The following TRABD2B variants were observed in gnomAD, a reference collection of about 807,000 sequenced individuals.
TRABD2B encodes TraB domain containing 2B.
A neutral mutation model predicts 40.1 loss-of-function variants in TRABD2B; 14 were observed. The ratio of observed to expected loss-of-function variants is 0.35; its 90% CI spans 0.23 to 0.55. The LOEUF (loss-of-function observed/expected upper bound fraction) is 0.55, where lower values mean the gene tolerates loss of function less well. Among genes scored for constraint, TRABD2B ranks in the 20% least tolerant of loss-of-function variants. The pLI is 0.90. For missense variants in TRABD2B, 541 were observed against 648.6 expected, an observed-to-expected ratio of 0.83 and a Z score of 1.80; for synonymous variants, 263 against 277.0, an observed-to-expected ratio of 0.95 and a Z score of 0.50.
At chr1:47,879,630 G>A (rs1644274239) in intron 2 of TRABD2B, among the ~76,000 whole-genome samples, 1 of 152,182 alleles carries the variant, frequency 6.6e-6, no homozygotes, top group South Asian at 2.1e-4. Flanking sequence ...ACATTGACAT[G>A]GTAACAATTA....
At chr1:47,955,203 C>T (rs537227875) in intron 2 of TRABD2B, among the ~76,000 whole-genome samples, 26 of 152,306 alleles carry the variant, frequency 1.7e-4, no homozygotes, top group African/African-American at 6.0e-4. Flanking sequence ...TCCTCAGTTT[C>T]TACTGCCTCC....
At chr1:47,981,898 C>T (rs886598734) in intron 2 of TRABD2B, among the ~76,000 whole-genome samples, 3 of 152,158 alleles carry the variant, frequency 2.0e-5, no homozygotes, top group Admixed American at 6.5e-5. Context: ...TCCAACCTGT[C>T]TGAGCAGTAG....
At chr1:47,778,357 G>A (rs1203566884) in intron 5 of TRABD2B, 97 bp downstream of exon 5, 7 of 870,818 alleles carry the variant, frequency 8.0e-6, no homozygotes, top group South Asian at 3.0e-5. Flanking sequence ...GTAGAGACCT[G>A]CCTCTGCCTC....
intron 5 of TRABD2B, among the ~76,000 whole-genome samples, chr1:47,777,021 G>A (rs959283438): frequency 6.6e-6 from 1 of 152,008 alleles, no homozygotes; most frequent in Non-Finnish European, 1.5e-5. Flanking sequence ...TTGCTCCCCC[G>A]TGCAGGAGGC....
chr1:47,837,891 T>C (rs975675282), intron 2 of TRABD2B, among the ~76,000 whole-genome samples: 2 of 152,262 alleles, frequency 1.3e-5, no homozygotes, highest in South Asian at 2.1e-4. Flanking sequence ...GTTCATCTCA[T>C]GAGGAAACCG....
intron 2 of TRABD2B, among the ~76,000 whole-genome samples, chr1:47,918,933 G>T (rs1557657102): frequency 6.6e-6 from 1 of 152,246 alleles, no homozygotes; most frequent in Non-Finnish European, 1.5e-5. Flanking sequence ...GGAGCTAACA[G>T]ATGTTCCTTC....
chr1:47,835,190 A>G (rs1645302233), intron 2 of TRABD2B, among the ~76,000 whole-genome samples: 1 of 152,232 alleles, frequency 6.6e-6, no homozygotes, highest in South Asian at 2.1e-4. Context: ...AAAATATTTC[A>G]GCAGGCAGAA....
chr1:47,873,692 C>A (rs1644177495), intron 2 of TRABD2B, among the ~76,000 whole-genome samples: 1 of 152,154 alleles, frequency 6.6e-6, no homozygotes, highest in African/African-American at 2.4e-5. Flanking sequence ...CATGCACGGT[C>A]TTGGTGGCCC....
chr1:47,869,455 C>T (rs1332420743), intron 2 of TRABD2B, among the ~76,000 whole-genome samples: 1 of 152,164 alleles, frequency 6.6e-6, no homozygotes, highest in Non-Finnish European at 1.5e-5. Context: ...ACATGCGCCA[C>T]GGTGGTCCGC....
chr1:47,955,266 C>T (rs1317608948), intron 2 of TRABD2B, among the ~76,000 whole-genome samples: 3 of 152,174 alleles, frequency 2.0e-5, no homozygotes, highest in African/African-American at 7.2e-5. Context: ...CGTTAAGAAC[C>T]TTCTCCCGCT....
chr1:47,794,465 T>A, intron 4 of TRABD2B, 121 bp downstream of exon 4: 2 of 1,128,362 alleles, frequency 1.8e-6, no homozygotes, highest in Non-Finnish European at 2.4e-6. Flanking sequence ...CTAAGCACTG[T>A]GTGGCTTTTC....
intron 2 of TRABD2B, among the ~76,000 whole-genome samples, chr1:47,867,315 A>G (rs1644073404): frequency 6.6e-6 from 1 of 152,200 alleles, no homozygotes; most frequent in Non-Finnish European, 1.5e-5. Flanking sequence ...TGGTGGTGGT[A>G]GGAAGGGAGG....
intron 3 of TRABD2B, among the ~76,000 whole-genome samples, chr1:47,800,975 C>G (rs1644815757): frequency 6.6e-6 from 1 of 152,146 alleles, no homozygotes; most frequent in Non-Finnish European, 1.5e-5. Flanking sequence ...ACCATGAGAG[C>G]AATGAATGGG....
At chr1:47,946,362 T>C (rs1230664611) in intron 2 of TRABD2B, among the ~76,000 whole-genome samples, 1 of 152,226 alleles carries the variant, frequency 6.6e-6, no homozygotes, top group Non-Finnish European at 1.5e-5. Flanking sequence ...TTATATATGA[T>C]ATTGCTTGTA....
At chr1:47,839,926 T>C (rs1449431387) in intron 2 of TRABD2B, among the ~76,000 whole-genome samples, 2 of 152,150 alleles carry the variant, frequency 1.3e-5, no homozygotes, top group Admixed American at 1.3e-4. Context: ...GCCCCCTCCA[T>C]CGATGGCCAA....
At chr1:47,862,339 G>C (rs1643985868) in intron 2 of TRABD2B, among the ~76,000 whole-genome samples, 1 of 151,988 alleles carries the variant, frequency 6.6e-6, no homozygotes, top group Non-Finnish European at 1.5e-5. Context: ...TAGAAAATCT[G>C]AAAGAATTGT....
chr1:47,922,294 C>T (rs1054583946), intron 2 of TRABD2B, among the ~76,000 whole-genome samples: 7 of 152,152 alleles, frequency 4.6e-5, no homozygotes, highest in Non-Finnish European at 7.4e-5. Flanking sequence ...AAGCCTTGGC[C>T]CAGGCTCCAC....
At chr1:47,918,159 C>T (rs1644854256) in intron 2 of TRABD2B, among the ~76,000 whole-genome samples, 1 of 152,178 alleles carries the variant, frequency 6.6e-6, no homozygotes, top group African/African-American at 2.4e-5. Flanking sequence ...CCTGAGTGGA[C>T]CTGAGACCCT....
In TRABD2B at chr1:47,853,852, T is replaced by C. The variant is rs141128345; in HGVS notation, c.667-52233A>G. 5.4e-3 allele frequency among the ~76,000 whole-genome samples: 822 copies of C among 152,326 alleles called. 13 individuals are homozygous for C. Among genetic ancestry groups the C allele is most frequent in the African/African-American group, 0.019 (786 of 41,576 alleles). ...CCCACCTCTTACTCTGCAATTATTC[T>C]CCAAGTCGTAGCTAGAGTGGACTTT... On this transcript the variant is annotated intron_variant, in intron 2 of 6. Transcript: ENST00000606738.
Sources: gnomAD v4.1 joint callset for allele counts (sites outside exome capture counted in the v4.1 genomes callset) on GRCh38, gnomAD v4.1.1 for gene constraint, MANE v1.5 for transcripts, NCBI Gene and HGNC (gene_info 2026-07-23, HGNC 2026-07-21) for gene names.